The following CASP2 variants were observed in gnomAD, a reference collection of about 807,000 sequenced individuals.
CASP2 encodes the protein caspase 2.
A neutral mutation model predicts 54.4 loss-of-function variants in CASP2; 38 were observed. The observed-to-expected ratio is 0.70, with a 90% CI of 0.54 to 0.92. CASP2 has a LOEUF of 0.92. CASP2 is among the 40% of genes least tolerant of loss of function. The pLI is 0.00. For synonymous variants in CASP2, 215 were observed against 216.3 expected (o/e 0.99, Z 0.05); for missense variants, 512 against 579.6 (o/e 0.88, Z 1.20).
intron 6 of CASP2, among the ~76,000 whole-genome samples, chr7:143,299,004 G>C (rs1465418905): frequency 1.3e-5 from 2 of 151,756 alleles, no homozygotes; most frequent in Non-Finnish European, 2.9e-5. Context: ...CTGTCACCCA[G>C]GCTACAGTGC....
At chr7:143,291,289 C>T (rs1230010488) in intron 1 of CASP2, among the ~76,000 whole-genome samples, 1 of 152,136 alleles carries the variant, frequency 6.6e-6, no homozygotes, top group East Asian at 1.9e-4. Flanking sequence ...AGATATTTCC[C>T]TCCTCTAGTC....
intron 4 of CASP2, chr7:143,293,114 G>GTTTT (rs11287848): frequency 3.5e-5 from 20 of 565,224 alleles, no homozygotes; most frequent in African/African-American, 8.9e-5. Context: ...CCTTTTTTTT[G>GTTTT]TTTTTTTTTT....
At chr7:143,296,233 A>G (rs1418644515) in intron 6 of CASP2, among the ~76,000 whole-genome samples, 3 of 152,170 alleles carry the variant, frequency 2.0e-5, no homozygotes, top group African/African-American at 4.8e-5. Context: ...TCAGTGACCT[A>G]TTGGATTCTA....
intron 6 of CASP2, among the ~76,000 whole-genome samples, chr7:143,296,302 T>C (rs1801748158): frequency 6.6e-6 from 1 of 152,218 alleles, no homozygotes; most frequent in Non-Finnish European, 1.5e-5. Context: ...TTCAAGCACC[T>C]TATAATGGGG....
At chr7:143,293,064 C>A (rs1314880772) in intron 4 of CASP2, 2 of 616,190 alleles carry the variant, frequency 3.2e-6, no homozygotes, top group African/African-American at 3.7e-5. Flanking sequence ...GATTGACTTC[C>A]CCTTTCTTGT....
chr7:143,299,359 A>C (rs1473463717), intron 6 of CASP2, among the ~76,000 whole-genome samples: 1 of 152,168 alleles, frequency 6.6e-6, no homozygotes, highest in Non-Finnish European at 1.5e-5. Flanking sequence ...CCTGTACAGA[A>C]TCCTCCTTCA....
At chr7:143,297,564 A>G (rs1801792602) in intron 6 of CASP2, among the ~76,000 whole-genome samples, 1 of 152,172 alleles carries the variant, frequency 6.6e-6, no homozygotes, top group Non-Finnish European at 1.5e-5. Flanking sequence ...CTCCTGTCTC[A>G]GCCTCCTGAG....
rs1245774518 is a variant in CASP2, at chr7:143,292,247, G to A, written c.226-53G>A. The stretch of plus-strand genomic sequence containing the variant: ...ACTAGGAAGCTCATGTGGAGAAATA[G>A]AATTATAGCTAGAGAAGTAAATATG... On this transcript the variant is annotated intron_variant, in intron 2 of 10. Transcript: ENST00000310447. The A allele has an allele frequency of 3.8e-6, 6 of 1,582,970 alleles. No homozygotes were observed. In the Admixed American group the frequency reaches 1.0e-4, roughly 26 times the overall value.
In CASP2 at chr7:143,288,365, C is replaced by T; in HGVS notation, c.-91C>T. 2 of 1,311,240 alleles carry T rather than the reference C, an allele frequency of 1.5e-6. No individual in the cohort carries two copies. The highest frequency in any genetic ancestry group is 2.2e-6 in the Non-Finnish European group (2 of 924,266). The allele number at this position is 1,311,240 out of a possible 1,614,324, so 81.2% of individuals were successfully genotyped here. A position where few individuals can be genotyped will look rare whatever the true frequency, so the allele number is the denominator to read the frequency against. ...CAGGCGCAGGCGCAGTGTGCGTCCG[C>T]GTCTGAGGGGAGGGATGTGGGGGAA... On this transcript the variant is annotated 5_prime_UTR_variant, in exon 1 of 11. Transcript: ENST00000310447.
At position 143,305,087 on chromosome 7, in the gene CASP2, A is replaced by G; in HGVS notation, c.*16A>G. On this transcript the variant is annotated 3_prime_UTR_variant, in exon 11 of 11. Transcript: ENST00000310447. Reference sequence around the variant, plus strand: ...TCCCACATGATGTCACCTCCCCATCATCCACGCCAAGTGGAAGCCACTGGA... The same window carrying G: ...TCCCACATGATGTCACCTCCCCATCGTCCACGCCAAGTGGAAGCCACTGGA... 6.2e-7 allele frequency: 1 copy of G among 1,614,172 alleles called. No individual in the cohort carries two copies. Among genetic ancestry groups the G allele is most frequent in the South Asian group, 1.1e-5 (1 of 91,078 alleles).
chr7:143,289,297 C>T (rs1306535042), intron 1 of CASP2, among the ~76,000 whole-genome samples: 1 of 152,184 alleles, frequency 6.6e-6, no homozygotes, highest in Admixed American at 6.5e-5. Flanking sequence ...TTATAATGTT[C>T]ACGTTTAAGA....
In CASP2 at chr7:143,294,392, C is replaced by CT. The variant is rs1801680699; in HGVS notation, c.570+70dup. 3 of 1,184,898 alleles carry CT rather than the reference C, an allele frequency of 2.5e-6. No individual in the cohort carries two copies. In the South Asian group the frequency reaches 3.6e-5, roughly 14 times the overall value. 73.4% of individuals were successfully genotyped at this position (1,184,898 alleles called of 1,614,324 possible). On this transcript the variant is annotated intron_variant, in intron 5 of 10. Coordinates refer to ENST00000310447, the MANE Select transcript of CASP2 (RefSeq NM_032982.4). ...TAGACACCCTTCCTGGGAACCTGAA[C>CT]TTAGTTTGCATGTACATTTCCTTTC... is the stretch of plus-strand genomic sequence containing the variant.
chr7:143,298,958 C>G (rs1438319219), intron 6 of CASP2: 3 of 152,046 alleles, frequency 2.0e-5, no homozygotes, highest in Admixed American at 1.3e-4. Flanking sequence ...ACACAGTGAT[C>G]GGTTTTTGGT....
chr7:143,292,505 T>C, intron 3 of CASP2, 38 bp downstream of exon 3: 2 of 1,612,522 alleles, frequency 1.2e-6, no homozygotes, highest in Non-Finnish European at 1.7e-6. Context: ...TGGGAAGGGT[T>C]AGTTTGACTG....
intron 2 of CASP2, 114 bp downstream of exon 2, chr7:143,291,804 ACAGAGT>A: frequency 1.9e-6 from 1 of 522,138 alleles, no homozygotes; most frequent in Non-Finnish European, 3.0e-6. Context: ...TTTTTTTGAG[ACAGAGT>A]CTCTGTCTCC....
chr7:143,292,936 A>T, intron 4 of CASP2, among the ~76,000 whole-genome samples: 1 of 152,070 alleles, frequency 6.6e-6, no homozygotes, highest in East Asian at 1.9e-4. Context: ...GCTAGAACCC[A>T]GGAGACGGAG....
chr7:143,290,055 CTTTTTT>C (rs35440867), intron 1 of CASP2, among the ~76,000 whole-genome samples: 1 of 114,522 alleles, frequency 8.7e-6, no homozygotes, highest in African/African-American at 3.7e-5. Context: ...TTTTCCCTCC[CTTTTTT>C]TTTTTTTTTT....
intron 6 of CASP2, among the ~76,000 whole-genome samples, chr7:143,299,455 A>G (rs1801850839): frequency 6.6e-6 from 1 of 152,222 alleles, no homozygotes; most frequent in South Asian, 2.1e-4. Context: ...ACAACATACA[A>G]GTATTGCTAT....
intron 10 of CASP2, 30 bp downstream of exon 10, chr7:143,304,813 T>A: frequency 6.2e-7 from 1 of 1,605,486 alleles, no homozygotes; most frequent in East Asian, 2.2e-5. Context: ...GACCCCTGTG[T>A]GTCTCCACAG....
Sources: gnomAD v4.1 joint callset for allele counts (sites outside exome capture counted in the v4.1 genomes callset) on GRCh38, gnomAD v4.1.1 for gene constraint, MANE v1.5 for transcripts, NCBI Gene and HGNC (gene_info 2026-07-23, HGNC 2026-07-21) for gene names.